SLC44A1: variants seen among roughly 807,000 people sequenced by gnomAD.
The protein encoded by SLC44A1 is choline transporter-like protein 1.
Under a neutral mutation model 79.3 loss-of-function variants are expected in SLC44A1, and 26 were observed. The ratio of observed to expected loss-of-function variants is 0.33; its 90% CI spans 0.24 to 0.46. The LOEUF (loss-of-function observed/expected upper bound fraction) is 0.46, where lower values mean the gene tolerates loss of function less well. Ranked by LOEUF, SLC44A1 falls within the 20% of genes least tolerant of loss-of-function variation. The pLI, the probability that SLC44A1 is intolerant of heterozygous loss-of-function variation, is 1.00. For synonymous variants in SLC44A1, 263 were observed against 286.2 expected (o/e 0.92, Z 0.82); for missense variants, 688 against 798.1 (o/e 0.86, Z 1.66).
chr9:105,262,721 C>T (rs1408641939), intron 1 of SLC44A1, among the ~76,000 whole-genome samples: 2 of 152,144 alleles, frequency 1.3e-5, no homozygotes, highest in Non-Finnish European at 2.9e-5. Context: ...TGTTCCATGG[C>T]CATGGACTAA....
At chr9:105,322,833 C>G (rs1332195638) in intron 3 of SLC44A1, among the ~76,000 whole-genome samples, 2 of 151,868 alleles carry the variant, frequency 1.3e-5, no homozygotes, top group Non-Finnish European at 2.9e-5. Flanking sequence ...GAATATTATA[C>G]TTTAATGGTT....
intron 1 of SLC44A1, among the ~76,000 whole-genome samples, chr9:105,257,076 G>A (rs9777083): frequency 0.041 from 6,254 of 151,388 alleles, 437 homozygotes; most frequent in African/African-American, 0.14. Context: ...GTGAGCCACT[G>A]CGCCCGGCCT....
chr9:105,344,633 T>C (rs568525891), intron 4 of SLC44A1, among the ~76,000 whole-genome samples: 1 of 152,326 alleles, frequency 6.6e-6, no homozygotes, highest in Non-Finnish European at 1.5e-5. Flanking sequence ...TAAAAACAGT[T>C]ATTTCATTTT....
At chr9:105,311,156 C>T (rs952981958) in intron 3 of SLC44A1, among the ~76,000 whole-genome samples, 2 of 152,128 alleles carry the variant, frequency 1.3e-5, no homozygotes, top group African/African-American at 2.4e-5. Context: ...AAATTTTAGA[C>T]TGTATGTTAT....
intron 1 of SLC44A1, among the ~76,000 whole-genome samples, chr9:105,279,317 C>CTTTTT (rs35697234): frequency 1.5e-5 from 2 of 133,324 alleles, no homozygotes; most frequent in African/African-American, 2.7e-5. Flanking sequence ...GAAAAGAAAA[C>CTTTTT]TTTTTTTTTT....
chr9:105,362,760 C>A, intron 8 of SLC44A1, 61 bp from the exon 9 acceptor site: 1 of 1,318,872 alleles, frequency 7.6e-7, no homozygotes. Context: ...AAAATTTCTA[C>A]TATTTTCGGT....
At chr9:105,323,799 T>C (rs1444123316) in intron 3 of SLC44A1, among the ~76,000 whole-genome samples, 1 of 152,224 alleles carries the variant, frequency 6.6e-6, no homozygotes, top group Non-Finnish European at 1.5e-5. Flanking sequence ...GGTTCCGTTT[T>C]TCATAGACAC....
intron 1 of SLC44A1, among the ~76,000 whole-genome samples, chr9:105,254,182 G>A (rs572893219): frequency 1.3e-5 from 2 of 152,214 alleles, no homozygotes; most frequent in African/African-American, 4.8e-5. Context: ...CAGCAAGGAC[G>A]TAAGTTCTCT....
At chr9:105,305,654 ACTC>A (rs1242230150) in intron 2 of SLC44A1, among the ~76,000 whole-genome samples, 2 of 151,724 alleles carry the variant, frequency 1.3e-5, no homozygotes. Flanking sequence ...TTTAAGCAGA[ACTC>A]CTTTTTTCCC....
chr9:105,288,184 T>G (rs1830519008), intron 1 of SLC44A1, among the ~76,000 whole-genome samples: 1 of 152,232 alleles, frequency 6.6e-6, no homozygotes, highest in Non-Finnish European at 1.5e-5. Context: ...CAACTGTTTA[T>G]TATAATCATT....
chr9:105,393,574 T>C lies in SLC44A1; in HGVS notation c.*4518T>C, dbSNP rs929957028. 7.5e-6 allele frequency: 7 copies of C among 937,158 alleles called. No individual in the cohort carries two copies. In the African/African-American group the frequency reaches 1.2e-4, roughly 17 times the overall value. 58.1% of individuals were successfully genotyped at this position (937,158 alleles called of 1,614,324 possible). ...TTTCTTATAGAAAACTTTAATGCAGTTTTTAAACTTACTGATTTCTGTGGA... is the reference window on the plus strand; with the variant it reads ...TTTCTTATAGAAAACTTTAATGCAGCTTTTAAACTTACTGATTTCTGTGGA... On this transcript the variant is annotated 3_prime_UTR_variant, in exon 16 of 16. Coordinates refer to ENST00000374720, the MANE Select transcript of SLC44A1 (RefSeq NM_080546.5).
At chr9:105,421,232 T>C (rs1829244892) in intron 15 of SLC44A1, among the ~76,000 whole-genome samples, 1 of 152,214 alleles carries the variant, frequency 6.6e-6, no homozygotes, top group South Asian at 2.1e-4. Flanking sequence ...TGGAATGGCA[T>C]ACATTGCTCC....
intron 13 of SLC44A1, among the ~76,000 whole-genome samples, chr9:105,378,175 G>A (rs1172200255): frequency 1.3e-5 from 2 of 152,208 alleles, no homozygotes; most frequent in Non-Finnish European, 1.5e-5. Context: ...GTTGAATCTG[G>A]GAGGTGGAGG....
chr9:105,397,964 G>A (rs986875252), downstream of SLC44A1, among the ~76,000 whole-genome samples: 1 of 151,406 alleles, frequency 6.6e-6, no homozygotes. Context: ...AAAAAAAAAA[G>A]AAAAAAAGAA....
intron 15 of SLC44A1, among the ~76,000 whole-genome samples, chr9:105,427,885 C>T (rs1829343840): frequency 6.6e-6 from 1 of 152,020 alleles, no homozygotes; most frequent in South Asian, 2.1e-4. Context: ...GATGACAGCC[C>T]TTTGTTATTT....
chr9:105,382,815 A>G (rs369918930), intron 13 of SLC44A1, among the ~76,000 whole-genome samples: 4 of 152,190 alleles, frequency 2.6e-5, no homozygotes, highest in African/African-American at 7.2e-5. Flanking sequence ...ATATGCATAC[A>G]TTTATCTTAA....
chr9:105,360,239 G>A (rs1394623788), intron 7 of SLC44A1, among the ~76,000 whole-genome samples: 1 of 152,028 alleles, frequency 6.6e-6, no homozygotes, highest in Non-Finnish European at 1.5e-5. Context: ...TGATTCCATT[G>A]CTCAGATATC....
chr9:105,322,845 TTA>T (rs544257652), intron 3 of SLC44A1, among the ~76,000 whole-genome samples: 93 of 152,226 alleles, frequency 6.1e-4, no homozygotes, highest in African/African-American at 2.0e-3. Context: ...TTAATGGTTG[TTA>T]TATTTTGTAT....
downstream of SLC44A1, among the ~76,000 whole-genome samples, chr9:105,397,718 A>G (rs1297267683): frequency 6.6e-6 from 1 of 151,938 alleles, no homozygotes; most frequent in Non-Finnish European, 1.5e-5. Context: ...GCCGAGGCGG[A>G]CAGATCACAA....
Sources: allele counts gnomAD v4.1 joint callset (sites outside exome capture counted in the v4.1 genomes callset), GRCh38; gene constraint gnomAD v4.1.1; transcripts MANE v1.5; gene names NCBI Gene and HGNC (gene_info 2026-07-23, HGNC 2026-07-21).